The following TIAM2 variants were observed in gnomAD, a reference collection of about 807,000 sequenced individuals.
TIAM2 encodes the protein rho guanine nucleotide exchange factor TIAM2.
TIAM2 carries 80 observed loss-of-function variants against 152.9 expected under a neutral mutation model. The observed-to-expected ratio is 0.52, with a 90% CI of 0.44 to 0.63. The LOEUF (loss-of-function observed/expected upper bound fraction) is 0.63, where lower values mean the gene tolerates loss of function less well. Among genes scored for constraint, TIAM2 ranks in the 30% least tolerant of loss-of-function variants. The probability of loss-of-function intolerance (pLI) is 0.00; values close to 1 mark genes in which losing one functional copy is unlikely to be tolerated. For missense variants in TIAM2, 1,965 were observed against 2,120.1 expected (o/e 0.93, Z 1.44); for synonymous variants, 804 against 838.0 (o/e 0.96, Z 0.70).
At chr6:155,131,330 A>G (rs1177929631) in intron 4 of TIAM2, among the ~76,000 whole-genome samples, 1 of 151,620 alleles carries the variant, frequency 6.6e-6, no homozygotes, top group African/African-American at 2.4e-5. Flanking sequence ...TGGGCAACAG[A>G]GAGAGACTCT....
intron 1 of TIAM2, among the ~76,000 whole-genome samples, chr6:155,039,271 A>G (rs1285783119): frequency 1.3e-5 from 2 of 151,924 alleles, no homozygotes; most frequent in Non-Finnish European, 2.9e-5. Flanking sequence ...CTGTCTCTTA[A>G]AAAGAAAAAA....
At chr6:155,172,230 CGT>C (rs1780602664) in intron 9 of TIAM2, among the ~76,000 whole-genome samples, 1 of 152,048 alleles carries the variant, frequency 6.6e-6, no homozygotes, top group African/African-American at 2.4e-5. Flanking sequence ...GTTCCCGTGT[CGT>C]GATGGCCAGT....
intron 1 of TIAM2, among the ~76,000 whole-genome samples, chr6:155,008,473 G>T (rs150098443): frequency 6.2e-4 from 94 of 152,252 alleles, no homozygotes; most frequent in Non-Finnish European, 1.2e-3. Flanking sequence ...CTCATTTCCA[G>T]GTCTCTGAAC....
chr6:155,001,021 G>T (rs1041641737), intron 1 of TIAM2, among the ~76,000 whole-genome samples: 1 of 152,168 alleles, frequency 6.6e-6, no homozygotes, highest in African/African-American at 2.4e-5. Flanking sequence ...TTTCTTTTTA[G>T]ATTGTTGTGA....
chr6:155,025,268 G>C (rs955211269), intron 1 of TIAM2, among the ~76,000 whole-genome samples: 2 of 149,126 alleles, frequency 1.3e-5, no homozygotes, highest in Admixed American at 6.8e-5. Flanking sequence ...ATCTCAGCTC[G>C]CTGCAAGCTC....
At chr6:155,197,708 C>T (rs555264913) in intron 14 of TIAM2, among the ~76,000 whole-genome samples, 9 of 152,080 alleles carry the variant, frequency 5.9e-5, no homozygotes, top group South Asian at 2.1e-4. Context: ...CACATGGCGG[C>T]GGCAAGCAGA....
At chr6:155,169,964 A>T (rs1583227001) in intron 9 of TIAM2, among the ~76,000 whole-genome samples, 1 of 151,964 alleles carries the variant, frequency 6.6e-6, no homozygotes. Flanking sequence ...GATTACAGGC[A>T]CCTGCCACCA....
chr6:155,165,170 T>C, intron 8 of TIAM2, 93 bp from the exon 9 acceptor site: 1 of 1,350,842 alleles, frequency 7.4e-7, no homozygotes, highest in Middle Eastern at 2.0e-4. Flanking sequence ...ATAGTCAGAA[T>C]GCATTTATAG....
rs140310722 is a variant in TIAM2 at position 155,083,249 on chromosome 6, C to T, written c.-208-7040C>T. Among the ~76,000 whole-genome samples the T allele has an allele frequency of 6.0e-5, 9 of 150,304 alleles. No individual in the cohort carries two copies. In the East Asian group the frequency reaches 7.9e-4, roughly 13 times the overall value. Reference sequence around the variant, plus strand: ...CTGTAATGCCAGCTACTCAGGAGGCCGAGGCAGGAGAATCACTTGAACCCT... The same window carrying T: ...CTGTAATGCCAGCTACTCAGGAGGCTGAGGCAGGAGAATCACTTGAACCCT... On this transcript the variant is annotated intron_variant, in intron 1 of 26. Coordinates refer to ENST00000682666, the MANE Select transcript of TIAM2 (RefSeq NM_012454.4).
chr6:155,230,179 C>A (rs1782405241), intron 15 of TIAM2, among the ~76,000 whole-genome samples: 1 of 152,150 alleles, frequency 6.6e-6, no homozygotes, highest in African/African-American at 2.4e-5. Context: ...AGGTGGGTCT[C>A]CTCCACCCAC....
intron 1 of TIAM2, among the ~76,000 whole-genome samples, chr6:155,039,270 A>G (rs1364652452): frequency 2.0e-5 from 3 of 151,918 alleles, no homozygotes; most frequent in Non-Finnish European, 2.9e-5. Context: ...CCTGTCTCTT[A>G]AAAAGAAAAA....
At chr6:155,007,102 C>CT in intron 1 of TIAM2, among the ~76,000 whole-genome samples, 1 of 152,186 alleles carries the variant, frequency 6.6e-6, no homozygotes, top group African/African-American at 2.4e-5. Context: ...TTTGATCGTA[C>CT]TTTGAGAAAC....
rs1779478735 is a variant in TIAM2 at position 155,132,841 on chromosome 6, A to G, written c.1194+2424A>G. 2.6e-5 allele frequency among the ~76,000 whole-genome samples: 4 copies of G among 152,302 alleles called. No homozygotes were observed. The South Asian group carries it at 8.3e-4, about 32-fold the overall frequency. ...CATCTGTATATGTGGCCTGGCTTAC[A>G]CGCGGCTCTAGTGAGCTGCATTCAG... On this transcript the variant is annotated intron_variant, in intron 4 of 26. Transcript: ENST00000682666.
intron 15 of TIAM2, among the ~76,000 whole-genome samples, chr6:155,223,993 G>C (rs77980636): frequency 0.024 from 3,627 of 152,244 alleles, 141 homozygotes; most frequent in African/African-American, 0.082. Flanking sequence ...ATTTACCCAG[G>C]GGGGTGGGTG....
chr6:155,052,856 T>C (rs1266769360), intron 1 of TIAM2, among the ~76,000 whole-genome samples: 2 of 151,844 alleles, frequency 1.3e-5, no homozygotes, highest in African/African-American at 4.8e-5. Context: ...TGATTAGCCA[T>C]ACGTTTTATG....
At position 155,013,211 on chromosome 6, in the gene TIAM2, G is replaced by T. The variant is rs188753813; in HGVS notation, c.-209+17719G>T. Among the ~76,000 whole-genome samples, 61 of 147,830 alleles carry T rather than the reference G, an allele frequency of 4.1e-4. No individual in the cohort carries two copies. The Middle Eastern group carries it at 0.011, about 26-fold the overall frequency. On this transcript the variant is annotated intron_variant, in intron 1 of 26. Transcript: ENST00000682666. ...GTACAGCTGAGGTTTGGGGTCTACA[G>T]CTGGCTTAGTCTGTGCTCCTGCAGG...
chr6:155,221,335 C>T (rs1007486038), intron 15 of TIAM2, among the ~76,000 whole-genome samples: 3 of 152,132 alleles, frequency 2.0e-5, no homozygotes, highest in African/African-American at 7.2e-5. Flanking sequence ...ATGACACTCC[C>T]GTTCCTCATC....
chr6:155,206,024 T>G lies in TIAM2; in HGVS notation c.3065-5180T>G, dbSNP rs540398829. On this transcript the variant is annotated intron_variant, in intron 14 of 26. Coordinates refer to ENST00000682666, the MANE Select transcript of TIAM2 (RefSeq NM_012454.4). ...GTCCCTTTAACAAATGTTTTGCCCT[T>G]TCGTTGTAAAGGATCTGGGGTTGCC... is the stretch of plus-strand genomic sequence containing the variant. 5.1e-4 allele frequency among the ~76,000 whole-genome samples: 77 copies of G among 152,234 alleles called. 2 individuals carry two copies. The South Asian group carries it at 7.7e-3, about 15-fold the overall frequency.
rs1562295102 is a variant in TIAM2, at chr6:155,029,438, T to TTATATATAATA, written c.-209+33950_-209+33951insTATAATATATA. On this transcript the variant is annotated intron_variant, in intron 1 of 26. Coordinates refer to ENST00000682666, the MANE Select transcript of TIAM2 (RefSeq NM_012454.4). ...TATACTATATATACTATAGTATATA[T>TTATATATAATA]TATACTATAGTATATATTATATATA... 7.1e-4 allele frequency among the ~76,000 whole-genome samples: 23 copies of TTATATATAATA among 32,172 alleles called. 5 individuals are homozygous for TTATATATAATA. In the East Asian group the frequency reaches 0.018, roughly 26 times the overall value. 21.1% of individuals were successfully genotyped at this position (32,172 alleles called of 152,430 possible).
Sources: allele counts gnomAD v4.1 joint callset (sites outside exome capture counted in the v4.1 genomes callset), GRCh38; gene constraint gnomAD v4.1.1; transcripts MANE v1.5; gene names NCBI Gene and HGNC (gene_info 2026-07-23, HGNC 2026-07-21).